FRMD3: variants seen among roughly 807,000 people sequenced by gnomAD.
FRMD3 encodes FERM domain-containing protein 3.
In FRMD3, 33 loss-of-function variants were observed where a neutral mutation model predicts 70.2. The ratio of observed to expected loss-of-function variants is 0.47; its 90% CI spans 0.36 to 0.63. The LOEUF is 0.63. FRMD3 is among the 20% of genes least tolerant of loss of function. FRMD3 has a pLI of 0.00. For synonymous variants in FRMD3, 279 were observed against 255.9 expected (o/e 1.09, Z -0.86); for missense variants, 632 against 711.4 (o/e 0.89, Z 1.27).
chr9:83,485,023 C>T (rs1005638285), intron 1 of FRMD3, among the ~76,000 whole-genome samples: 6 of 152,206 alleles, frequency 3.9e-5, no homozygotes, highest in African/African-American at 1.4e-4. Context: ...AATTCTGTCC[C>T]AAAGGCCTCG....
chr9:83,452,730 T>C (rs931946814), intron 1 of FRMD3, among the ~76,000 whole-genome samples: 2 of 151,910 alleles, frequency 1.3e-5, no homozygotes, highest in African/African-American at 4.8e-5. Flanking sequence ...GATCCGCCCG[T>C]CTCGGCCTCC....
Position 83,390,297 on chromosome 9 carries a change from T to A in FRMD3, c.148-589A>T, listed in dbSNP as rs377389481. Among the ~76,000 whole-genome samples the A allele has an allele frequency of 2.6e-5, 4 of 152,206 alleles. No individual in the cohort carries two copies. The South Asian group carries it at 8.3e-4, about 32-fold the overall frequency. ...CTCCTTCCAAGCCACTTTGACCCCC[T>A]GGAGCAATCACGAGTCCACTGCAGC... On this transcript the variant is annotated intron_variant, in intron 1 of 13. Coordinates refer to ENST00000304195, the MANE Select transcript of FRMD3 (RefSeq NM_174938.6).
intron 6 of FRMD3, among the ~76,000 whole-genome samples, chr9:83,317,603 T>C (rs1253440808): frequency 1.3e-5 from 2 of 152,198 alleles, no homozygotes; most frequent in African/African-American, 4.8e-5. Context: ...CCCTCTTCAA[T>C]ATAGGAACAA....
intron 1 of FRMD3, among the ~76,000 whole-genome samples, chr9:83,509,862 G>A (rs760178394): frequency 1.3e-5 from 2 of 152,090 alleles, no homozygotes; most frequent in East Asian, 3.9e-4. Context: ...GATGGAAAAC[G>A]CACATTCTCT....
chr9:83,534,126 CA>C (rs769924033), intron 1 of FRMD3, among the ~76,000 whole-genome samples: 2 of 152,200 alleles, frequency 1.3e-5, no homozygotes, highest in Non-Finnish European at 2.9e-5. Flanking sequence ...TGGAAAAGCC[CA>C]ATAAGGAGCA....
At chr9:83,504,923 G>A (rs1829148984) in intron 1 of FRMD3, among the ~76,000 whole-genome samples, 1 of 152,152 alleles carries the variant, frequency 6.6e-6, no homozygotes, top group Non-Finnish European at 1.5e-5. Flanking sequence ...GAGATCTTCT[G>A]GGAGATGTTG....
intron 13 of FRMD3, among the ~76,000 whole-genome samples, chr9:83,255,145 A>G (rs1023187419): frequency 6.6e-6 from 1 of 152,180 alleles, no homozygotes; most frequent in African/African-American, 2.4e-5. Context: ...AATACTGGCA[A>G]ACTGAATCCA....
In FRMD3 at chr9:83,488,995, T is replaced by C. The variant is rs1304340798; in HGVS notation, c.147+49090A>G. Among the ~76,000 whole-genome samples the C allele has an allele frequency of 4.0e-3, 531 of 131,304 alleles. 3 individuals are homozygous for C. Among genetic ancestry groups the C allele is most frequent in the African/African-American group, 0.014 (504 of 36,312 alleles). 86.1% of individuals were successfully genotyped at this position (131,304 alleles called of 152,430 possible). A position where few individuals can be genotyped will look rare whatever the true frequency, so the allele number is the denominator to read the frequency against. On this transcript the variant is annotated intron_variant, in intron 1 of 13. Transcript: ENST00000304195. ...CTTTGTGTGTGTGTGTGTGTGTGTGTGTGTGTGTGTGTGTGTGTGTGCTTG... is the reference window on the plus strand; with the variant it reads ...CTTTGTGTGTGTGTGTGTGTGTGTGCGTGTGTGTGTGTGTGTGTGTGCTTG...
At chr9:83,372,296 C>G (rs1057313188) in intron 3 of FRMD3, among the ~76,000 whole-genome samples, 1 of 150,632 alleles carries the variant, frequency 6.6e-6, no homozygotes, top group African/African-American at 2.5e-5. Context: ...GGTGGATGAC[C>G]AGGGGGTGCT....
intron 1 of FRMD3, among the ~76,000 whole-genome samples, chr9:83,482,661 G>T (rs561317793): frequency 6.6e-6 from 1 of 152,166 alleles, no homozygotes; most frequent in African/African-American, 2.4e-5. Flanking sequence ...AATTCCTGAA[G>T]CCAGAAGCTG....
intron 7 of FRMD3, among the ~76,000 whole-genome samples, chr9:83,312,217 T>G (rs942391117): frequency 6.6e-6 from 1 of 152,156 alleles, no homozygotes; most frequent in African/African-American, 2.4e-5. Context: ...TCTAGGAACC[T>G]CCTGGAAAAA....
chr9:83,256,747 A>G (rs1832726292), intron 13 of FRMD3, among the ~76,000 whole-genome samples: 1 of 152,182 alleles, frequency 6.6e-6, no homozygotes, highest in African/African-American at 2.4e-5. Flanking sequence ...TGTGGCCAAC[A>G]AACATATGAA....
chr9:83,559,267 C>G, the FRMD3 span, among the ~76,000 whole-genome samples: 1 of 152,208 alleles, frequency 6.6e-6, no homozygotes, highest in Non-Finnish European at 1.5e-5. Flanking sequence ...CCACCCCAAG[C>G]TGTAGCAACC....
At chr9:83,377,609 T>C (rs558562993) in intron 2 of FRMD3, among the ~76,000 whole-genome samples, 6 of 152,048 alleles carry the variant, frequency 3.9e-5, no homozygotes, top group Non-Finnish European at 7.4e-5. Context: ...TGTAAAAGTG[T>C]GTGGCACCTT....
intron 2 of FRMD3, among the ~76,000 whole-genome samples, chr9:83,388,393 C>T (rs1453725320): frequency 2.0e-5 from 3 of 152,108 alleles, no homozygotes; most frequent in Non-Finnish European, 2.9e-5. Flanking sequence ...ATCCCCACTT[C>T]CAGGCTACCT....
intron 6 of FRMD3, among the ~76,000 whole-genome samples, chr9:83,316,148 C>CTTTTTTTTTTTTTTTTTTTTTTTTT (rs369641019): frequency 7.4e-6 from 1 of 134,502 alleles, no homozygotes; most frequent in African/African-American, 2.8e-5. Context: ...TCTTTTTTCT[C>CTTTTTTTTTTTTTTTTTTTTTTTTT]TTTTTTTTTT....
At chr9:83,340,979 G>A (rs75306085) in intron 5 of FRMD3, among the ~76,000 whole-genome samples, 2 of 152,158 alleles carry the variant, frequency 1.3e-5, no homozygotes, top group Non-Finnish European at 2.9e-5. Flanking sequence ...AAGACGATGA[G>A]GGGCGACAGT....
At chr9:83,248,545 T>G in intron 13 of FRMD3, 29 bp from the exon 14 acceptor site, 1 of 1,529,618 alleles carries the variant, frequency 6.5e-7, no homozygotes, top group Non-Finnish European at 8.7e-7. Flanking sequence ...TTTTCTAAAT[T>G]TAAAATTTCA....
intron 1 of FRMD3, among the ~76,000 whole-genome samples, chr9:83,429,371 A>C (rs2131373171): frequency 6.6e-6 from 1 of 152,166 alleles, no homozygotes; most frequent in African/African-American, 2.4e-5. Context: ...CAGCCCTATC[A>C]ATTATTAATC....
Sources: allele counts gnomAD v4.1 joint callset (sites outside exome capture counted in the v4.1 genomes callset), GRCh38; gene constraint gnomAD v4.1.1; transcripts MANE v1.5; gene names NCBI Gene and HGNC (gene_info 2026-07-23, HGNC 2026-07-21).